The following GSE1 variants were observed in gnomAD, a reference collection of about 807,000 sequenced individuals.
The protein encoded by GSE1 is genetic suppressor element 1.
GSE1 carries 32 observed loss-of-function variants against 112.6 expected under a neutral mutation model. The observed-to-expected ratio is 0.28, with a 90% CI of 0.21 to 0.38. GSE1 has a LOEUF of 0.38. Among genes scored for constraint, GSE1 ranks in the 10% least tolerant of loss-of-function variants. The pLI is 1.00. For synonymous variants in GSE1, 1,115 were observed against 735.6 expected (o/e 1.52, Z -8.35); for missense variants, 2,348 against 1,699.2 (o/e 1.38, Z -6.71).
chr16:85,614,492 C>T (rs1403241548), intron 1 of GSE1, among the ~76,000 whole-genome samples: 2 of 152,180 alleles, frequency 1.3e-5, no homozygotes, highest in Non-Finnish European at 2.9e-5. Context: ...ACTCGAGGCG[C>T]AGGCCATAGG....
At chr16:85,294,659 GTC>G (rs139079778) in intron 1 of GSE1, among the ~76,000 whole-genome samples, 3 of 58,832 alleles carry the variant, frequency 5.1e-5, no homozygotes, top group African/African-American at 2.4e-4. Context: ...CTCTCTCTCT[GTC>G]TCTCTCTCTC....
chr16:85,172,580 C>T (rs1224843920), intron 1 of GSE1, among the ~76,000 whole-genome samples: 2 of 152,236 alleles, frequency 1.3e-5, no homozygotes. Context: ...AGGAACTGCC[C>T]CCGGTGGGTC....
In GSE1 at chr16:85,668,444, GA is replaced by G. The variant is rs2053062797; in HGVS notation, c.3415+21del. ...TAGAAGGTAAGGGGGTGCTGGGGAA[GA>G]GGGGGGAGGGGGTCAGGAAAGTACC... On this transcript the variant is annotated intron_variant, in intron 14 of 15. Coordinates refer to ENST00000253458, the MANE Select transcript of GSE1 (RefSeq NM_014615.5). 2 of 1,473,358 alleles carry G rather than the reference GA, an allele frequency of 1.4e-6. No homozygotes were observed. Among genetic ancestry groups the G allele is most frequent in the Non-Finnish European group, 9.3e-7 (1 of 1,076,462 alleles). The allele number at this position is 1,473,358 out of a possible 1,614,324, so 91.3% of individuals were successfully genotyped here.
intron 2 of GSE1, among the ~76,000 whole-genome samples, chr16:85,410,067 GGC>G (rs1491329931): frequency 3.1e-5 from 1 of 31,806 alleles, no homozygotes; most frequent in East Asian, 9.6e-4. Flanking sequence ...TTACACTCAG[GGC>G]CCCCCGGATA....
At chr16:85,282,968 A>T (rs540562978) in intron 1 of GSE1, 1 of 152,454 alleles carries the variant, frequency 6.6e-6, no homozygotes, top group African/African-American at 2.4e-5. Context: ...GTTGGACATC[A>T]GCTGGGGCTG....
intron 1 of GSE1, among the ~76,000 whole-genome samples, chr16:85,202,716 G>C (rs147960931): frequency 6.6e-6 from 1 of 152,374 alleles, no homozygotes; most frequent in East Asian, 1.9e-4. Flanking sequence ...GCCTCTGGCC[G>C]GAGCCAGGCC....
rs563860378 is a variant in GSE1 at position 85,668,151 on chromosome 16, G to T, written c.3142G>T (p.Val1048Leu). 1.3e-6 allele frequency: 2 copies of T among 1,586,438 alleles called. No homozygotes were observed. The highest frequency in any genetic ancestry group is 8.6e-7 in the Non-Finnish European group (1 of 1,163,588). ...TGTCCCCTCCACAGGGAGCGTGGCT[G>T]TGCTGTCTGCAGAGCAGAACCACAA... ...ALQKHKGSVA[V>L]LSAEQNHKVD... The change falls in exon 14 of 16, where the codon GTG (valine) becomes TTG (leucine). Residue 1048 changes from valine to leucine, a missense_variant. Transcript: ENST00000253458.
chr16:85,491,024 C>T (rs1384522827), intron 2 of GSE1, among the ~76,000 whole-genome samples: 2 of 152,202 alleles, frequency 1.3e-5, no homozygotes, highest in South Asian at 2.1e-4. Context: ...CCCCCTGCCT[C>T]TGGCCGCCAG....
At chr16:85,560,150 T>TTTTTTTTTTTTTTTTTTTTTA (rs1179259849) in intron 1 of GSE1, among the ~76,000 whole-genome samples, 1 of 145,126 alleles carries the variant, frequency 6.9e-6, no homozygotes, top group African/African-American at 2.6e-5. Flanking sequence ...TTTTTTTTTT[T>TTTTTTTTTTTTTTTTTTTTTA]ATGTGAGACG....
chr16:85,654,567 G>A (rs2051739696), intron 4 of GSE1, 117 bp downstream of exon 4: 1 of 927,982 alleles, frequency 1.1e-6, no homozygotes. Context: ...CTAGATGGTT[G>A]TCGGCCGCTG....
chr16:85,453,374 C>A (rs1385036), intron 2 of GSE1, among the ~76,000 whole-genome samples: 7,126 of 152,162 alleles, frequency 0.047, 486 homozygotes, highest in African/African-American at 0.15. Context: ...GCATCGGGCG[C>A]TGGGGCGTGC....
At chr16:85,526,952 G>C (rs1382574512) in intron 2 of GSE1, among the ~76,000 whole-genome samples, 1 of 152,210 alleles carries the variant, frequency 6.6e-6, no homozygotes, top group Non-Finnish European at 1.5e-5. Context: ...TAATTAAGTA[G>C]CAGCAATATG....
At position 85,252,103 on chromosome 16, in the gene GSE1, C is replaced by A. The variant is rs1395179815; in HGVS notation, c.2283+80296C>A. ...TCCGGAGACCCAGGGCTGACTCCCG[C>A]ACTGTGGGATTAAACGAAGCTTGGA... On this transcript the variant is annotated intron_variant, in intron 1 of 2. Coordinates refer to the GSE1 transcript ENST00000637419. 2.6e-5 allele frequency among the ~76,000 whole-genome samples: 4 copies of A among 152,322 alleles called. No homozygotes were observed. The East Asian group carries it at 7.7e-4, about 29-fold the overall frequency.
chr16:85,197,741 C>A (rs1422392484), intron 1 of GSE1, among the ~76,000 whole-genome samples: 1 of 152,218 alleles, frequency 6.6e-6, no homozygotes, highest in Non-Finnish European at 1.5e-5. Flanking sequence ...CTTCATCTGC[C>A]TGCCCCATCT....
intron 1 of GSE1, among the ~76,000 whole-genome samples, chr16:85,208,625 G>A (rs1375871630): frequency 1.3e-5 from 2 of 152,112 alleles, no homozygotes; most frequent in Admixed American, 6.5e-5. Flanking sequence ...TAGGCTTTGC[G>A]GGCCACTTAG....
chr16:85,174,856 C>A lies in GSE1; in HGVS notation c.2283+3049C>A, dbSNP rs150636923. 8.4e-3 allele frequency among the ~76,000 whole-genome samples: 1,278 copies of A among 152,312 alleles called. 6 individuals are homozygous for A. Among genetic ancestry groups the A allele is most frequent in the Admixed American group, 0.012 (189 of 15,290 alleles). On this transcript the variant is annotated intron_variant, in intron 1 of 2. Transcript: ENST00000637419. ...GAGGGAGAGAGGGTGGAGGGGCTGT[C>A]CCCAAGCCCATTTCCTCATGCCAGC...
intron 1 of GSE1, among the ~76,000 whole-genome samples, chr16:85,616,761 T>C (rs1399656920): frequency 6.6e-6 from 1 of 152,024 alleles, no homozygotes; most frequent in Non-Finnish European, 1.5e-5. Context: ...GCTGCTGGCT[T>C]CACTTCCGCA....
intron 1 of GSE1, among the ~76,000 whole-genome samples, chr16:85,330,867 C>T (rs1310226426): frequency 6.6e-6 from 1 of 152,134 alleles, no homozygotes; most frequent in African/African-American, 2.4e-5. Flanking sequence ...CTTGGGAAGT[C>T]TGAGTGTTTC....
At chr16:85,194,192 T>A (rs537615295) in intron 1 of GSE1, among the ~76,000 whole-genome samples, 1 of 152,302 alleles carries the variant, frequency 6.6e-6, no homozygotes, top group South Asian at 2.1e-4. Context: ...GTTCTTGGAC[T>A]CCGTGTCCGG....
Sources: gnomAD v4.1 joint callset for allele counts (sites outside exome capture counted in the v4.1 genomes callset) on GRCh38, gnomAD v4.1.1 for gene constraint, MANE v1.5 for transcripts, NCBI Gene and HGNC (gene_info 2026-07-23, HGNC 2026-07-21) for gene names.